Variants in XPO1 observed in about 807,000 individuals in gnomAD.
XPO1 encodes exportin 1, also known as exportin-1.
A neutral mutation model predicts 133.3 loss-of-function variants in XPO1; 5 were observed. That is an observed-to-expected ratio of 0.04 (90% CI 0.02 to 0.08). The LOEUF (loss-of-function observed/expected upper bound fraction) is 0.08, where lower values mean the gene tolerates loss of function less well. Ranked by LOEUF, XPO1 falls within the 10% of genes least tolerant of loss-of-function variation. XPO1 has a pLI of 1.00. For synonymous variants in XPO1, 419 were observed against 408.2 expected (o/e 1.03, Z -0.32); for missense variants, 506 against 1,267.5 (o/e 0.40, Z 9.12).
intron 12 of XPO1, 124 bp from the exon 13 acceptor site, chr2:61,493,177 T>C (rs1329855889): frequency 1.0e-6 from 1 of 977,460 alleles, no homozygotes; most frequent in African/African-American, 1.7e-5. Flanking sequence ...TAGGGATTCA[T>C]GCCTATAATT....
intron 4 of XPO1, 142 bp downstream of exon 4, chr2:61,522,467 ACC>A: frequency 2.9e-6 from 2 of 682,454 alleles, no homozygotes; most frequent in South Asian, 3.8e-5. Context: ...ATACAAACAG[ACC>A]TGTTTGCTTC....
intron 4 of XPO1, among the ~76,000 whole-genome samples, chr2:61,510,189 A>T (rs1423339939): frequency 6.6e-6 from 1 of 152,164 alleles, no homozygotes; most frequent in Non-Finnish European, 1.5e-5. Flanking sequence ...AGGCACAAGA[A>T]TCGCTTCAAC....
At chr2:61,498,606 A>C in intron 9 of XPO1, 67 bp downstream of exon 9, 1 of 1,581,276 alleles carries the variant, frequency 6.3e-7, no homozygotes, top group South Asian at 1.2e-5. Flanking sequence ...CAGAGATGAG[A>C]GCTTTACATG....
At chr2:61,494,774 A>ATATATATATATACTTATGTT (rs1420462360) in intron 11 of XPO1, 1 of 148,162 alleles carries the variant, frequency 6.7e-6, no homozygotes, top group African/African-American at 2.5e-5. Flanking sequence ...GTGTGTGTGT[A>ATATATATATATACTTATGTT]TATATATATA....
rs755009033 is a variant in XPO1, at chr2:61,491,489, CACACACA to C, written c.1887+539_1887+545del. ...ACACACACACACACACACACACACA[CACACACA>C]CCCCAAAACAAAACAAAACAAAAAA... On this transcript the variant is annotated intron_variant, in intron 16 of 24. Transcript: ENST00000401558. Among the ~76,000 whole-genome samples, 433 of 151,252 alleles carry C rather than the reference CACACACA, an allele frequency of 2.9e-3. 2 individuals carry two copies. Among genetic ancestry groups the C allele is most frequent in the East Asian group, 5.7e-3 (29 of 5,050 alleles).
chr2:61,478,709 CT>C lies in XPO1; in HGVS notation c.*110del. ...AAAAAACACATAAGAAAAAGGGCCA[CT>C]AGGTGACATTTTAATTTACAAATTG... On this transcript the variant is annotated 3_prime_UTR_variant, in exon 25 of 25. Transcript: ENST00000401558. The C allele has an allele frequency of 8.9e-7, 1 of 1,121,112 alleles. No individual in the cohort carries two copies. The highest frequency in any genetic ancestry group is 2.6e-5 in the East Asian group (1 of 38,240). 69.4% of individuals were successfully genotyped at this position (1,121,112 alleles called of 1,614,324 possible). A position where few individuals can be genotyped will look rare whatever the true frequency, so the allele number is the denominator to read the frequency against.
intron 4 of XPO1, among the ~76,000 whole-genome samples, chr2:61,506,857 T>C (rs988129269): frequency 5.3e-5 from 8 of 152,094 alleles, no homozygotes; most frequent in Admixed American, 3.9e-4. Context: ...GGGTCTCAGT[T>C]GCAAAACAGA....
At chr2:61,524,697 C>T (rs868681618) in intron 3 of XPO1, among the ~76,000 whole-genome samples, 2 of 152,168 alleles carry the variant, frequency 1.3e-5, no homozygotes, top group Non-Finnish European at 2.9e-5. Flanking sequence ...GAGGCCAAGG[C>T]GGGAGGGCCA....
At chr2:61,515,864 A>G (rs1220348696) in intron 4 of XPO1, among the ~76,000 whole-genome samples, 1 of 150,066 alleles carries the variant, frequency 6.7e-6, no homozygotes, top group Non-Finnish European at 1.5e-5. Context: ...AGGGTGGATC[A>G]CGAGGTCAGG....
intron 4 of XPO1, among the ~76,000 whole-genome samples, chr2:61,505,485 G>A (rs1338008406): frequency 2.0e-5 from 3 of 150,976 alleles, no homozygotes; most frequent in African/African-American, 7.3e-5. Flanking sequence ...GCCGCCTCCT[G>A]GGTTCAAGTG....
At position 61,478,085 on chromosome 2, in the gene XPO1, GATAA is replaced by G. The variant is rs772264044; in HGVS notation, c.*731_*734del. The G allele has an allele frequency of 9.6e-5, 22 of 230,220 alleles. No individual in the cohort carries two copies. The highest frequency in any genetic ancestry group is 1.7e-4 in the Non-Finnish European group (20 of 116,098). The allele number at this position is 230,220 out of a possible 1,614,324, so 14.3% of individuals were successfully genotyped here. On this transcript the variant is annotated 3_prime_UTR_variant, in exon 25 of 25. Coordinates refer to ENST00000401558, the MANE Select transcript of XPO1 (RefSeq NM_003400.4). ...AAAAAGATGCAGCCTATTCTAACAG[GATAA>G]ATATTTTTAACCATTTCACTTCGAG...
intron 4 of XPO1, among the ~76,000 whole-genome samples, chr2:61,520,487 TA>T (rs879291606): frequency 1.9e-3 from 276 of 143,414 alleles, no homozygotes; most frequent in Admixed American, 1.8e-3. Context: ...TACAAAACAT[TA>T]AAAAAAAAAA....
chr2:61,526,559 G>T, intron 2 of XPO1, 38 bp from the exon 3 acceptor site: 1 of 1,469,354 alleles, frequency 6.8e-7, no homozygotes, highest in South Asian at 1.3e-5. Context: ...TTAAGCTAAT[G>T]TATTCTTTTG....
At chr2:61,511,476 G>A (rs1427834210) in intron 4 of XPO1, among the ~76,000 whole-genome samples, 2 of 151,434 alleles carry the variant, frequency 1.3e-5, no homozygotes, top group East Asian at 2.0e-4. Flanking sequence ...GTGCAGTGGT[G>A]CAATCAATCA....
chr2:61,516,198 G>A (rs1322545262), intron 4 of XPO1, among the ~76,000 whole-genome samples: 2 of 148,708 alleles, frequency 1.3e-5, no homozygotes. Flanking sequence ...CCAGCTACTC[G>A]GGAGGCTGAG....
chr2:61,518,550 G>A lies in XPO1; in HGVS notation c.301+4061C>T, dbSNP rs1046234074. 1.1e-4 allele frequency among the ~76,000 whole-genome samples: 16 copies of A among 151,402 alleles called. No individual in the cohort carries two copies. In the East Asian group the frequency reaches 3.1e-3, roughly 30 times the overall value. ...GAGAATGGTGTGAAACCGGGAGGCA[G>A]AGCTTGCACTGAGCCGAGATCACGC... On this transcript the variant is annotated intron_variant, in intron 4 of 24. Coordinates refer to ENST00000401558, the MANE Select transcript of XPO1 (RefSeq NM_003400.4).
At chr2:61,519,789 G>GA (rs983815345) in intron 4 of XPO1, among the ~76,000 whole-genome samples, 4 of 147,116 alleles carry the variant, frequency 2.7e-5, no homozygotes, top group Non-Finnish European at 4.5e-5. Context: ...TTCTACATCA[G>GA]AAAAAAAATG....
At chr2:61,498,590 A>G in intron 9 of XPO1, 83 bp downstream of exon 9, 1 of 1,541,070 alleles carries the variant, frequency 6.5e-7, no homozygotes, top group Non-Finnish European at 8.8e-7. Flanking sequence ...AATAAGGTTT[A>G]GAATGCAGAG....
chr2:61,484,153 T>G (rs1696551647), intron 20 of XPO1, 48 bp from the exon 21 acceptor site: 1 of 1,522,498 alleles, frequency 6.6e-7, no homozygotes, highest in Admixed American at 1.7e-5. Flanking sequence ...GTCTTTGTTG[T>G]GCTAGACAGG....
Sources: allele counts gnomAD v4.1 joint callset (sites outside exome capture counted in the v4.1 genomes callset), GRCh38; gene constraint gnomAD v4.1.1; transcripts MANE v1.5; gene names NCBI Gene and HGNC (gene_info 2026-07-23, HGNC 2026-07-21).